The following GRID1 variants were observed in gnomAD, a reference collection of about 807,000 sequenced individuals.
GRID1 encodes the protein glutamate ionotropic receptor delta type subunit 1, also known as glutamate receptor ionotropic, delta-1.
A neutral mutation model predicts 98.0 loss-of-function variants in GRID1; 28 were observed. That is an observed-to-expected ratio of 0.29 (90% confidence interval 0.21 to 0.39). The LOEUF (loss-of-function observed/expected upper bound fraction) is 0.39, where lower values mean the gene tolerates loss of function less well. Among genes scored for constraint, GRID1 ranks in the 10% least tolerant of loss-of-function variants. GRID1 has a pLI of 1.00. For missense variants in GRID1, 1,111 were observed against 1,340.5 expected (o/e 0.83, Z 2.67); for synonymous variants, 553 against 538.5 (o/e 1.03, Z -0.37).
In GRID1 at chr10:85,717,902, C is replaced by T. The variant is rs760984287; in HGVS notation, c.1997+5101G>A. Among the ~76,000 whole-genome samples, 36 of 140,874 alleles carry T rather than the reference C, an allele frequency of 2.6e-4. 1 individual carries two copies. The highest frequency in any genetic ancestry group is 5.2e-4 in the Non-Finnish European group (34 of 65,130). 92.4% of individuals were successfully genotyped at this position (140,874 alleles called of 152,430 possible). A position where few individuals can be genotyped will look rare whatever the true frequency, so the allele number is the denominator to read the frequency against. ...AGGGGTTACAGGGCCCATGCAAGTC[C>T]GAAATCCAGTGGGCAGTCAGATTTT... On this transcript the variant is annotated intron_variant, in intron 12 of 15. Coordinates refer to ENST00000327946, the MANE Select transcript of GRID1 (RefSeq NM_017551.3).
chr10:85,878,559 C>G (rs1164027432), intron 5 of GRID1, among the ~76,000 whole-genome samples: 14 of 152,052 alleles, frequency 9.2e-5, no homozygotes, highest in African/African-American at 1.7e-4. Flanking sequence ...ACTTTACAGA[C>G]AAGCAAATGC....
chr10:85,906,631 A>G (rs1286288711), intron 5 of GRID1, among the ~76,000 whole-genome samples: 1 of 152,188 alleles, frequency 6.6e-6, no homozygotes, highest in Non-Finnish European at 1.5e-5. Flanking sequence ...GGAAACTAAA[A>G]ACATACTTCT....
At chr10:86,013,426 T>C (rs1489517351) in intron 4 of GRID1, among the ~76,000 whole-genome samples, 2 of 152,248 alleles carry the variant, frequency 1.3e-5, no homozygotes, top group African/African-American at 2.4e-5. Flanking sequence ...GTTATATAGA[T>C]TGACAGTGGA....
chr10:85,901,196 TTTTA>T (rs1476144081), intron 5 of GRID1, among the ~76,000 whole-genome samples: 2 of 151,810 alleles, frequency 1.3e-5, no homozygotes, highest in African/African-American at 4.8e-5. Flanking sequence ...AAGAGCTATC[TTTTA>T]TTTATTTATT....
chr10:86,260,444 C>G (rs1390463706), intron 2 of GRID1, among the ~76,000 whole-genome samples: 48 of 152,222 alleles, frequency 3.2e-4, no homozygotes, highest in Admixed American at 3.1e-3. Flanking sequence ...TCCCACCACC[C>G]CAACCATGTG....
chr10:86,151,091 G>A (rs1055829696), intron 3 of GRID1, among the ~76,000 whole-genome samples: 19 of 152,126 alleles, frequency 1.2e-4, no homozygotes, highest in Non-Finnish European at 1.3e-4. Context: ...CTCATGTCTT[G>A]CCCGAGTTTA....
chr10:86,109,141 T>C (rs1186335201), intron 4 of GRID1, among the ~76,000 whole-genome samples: 1 of 152,222 alleles, frequency 6.6e-6, no homozygotes, highest in Non-Finnish European at 1.5e-5. Context: ...TATTTCACAA[T>C]ATGTATCTGC....
At chr10:85,660,315 C>G (rs1268953332) in intron 12 of GRID1, among the ~76,000 whole-genome samples, 2 of 152,170 alleles carry the variant, frequency 1.3e-5, no homozygotes, top group African/African-American at 4.8e-5. Context: ...AGGGTTCAGG[C>G]AAGACACTCA....
chr10:86,349,554 T>C (rs1016245073), intron 2 of GRID1, among the ~76,000 whole-genome samples: 7 of 152,152 alleles, frequency 4.6e-5, no homozygotes, highest in Non-Finnish European at 7.4e-5. Flanking sequence ...AAATAGCCAT[T>C]ACCAGGGAGA....
chr10:85,939,414 T>C (rs1841969083), intron 4 of GRID1, among the ~76,000 whole-genome samples: 1 of 152,220 alleles, frequency 6.6e-6, no homozygotes, highest in South Asian at 2.1e-4. Flanking sequence ...AGTAGATGTC[T>C]CACTAAGCTA....
chr10:86,021,888 C>G lies in GRID1; in HGVS notation c.727-105649G>C, dbSNP rs976377076. ...TGTGTCTGCAAAGGGCTTACTAGCT[C>G]TTAGTCAGCTGAGGGTGAGCTGCAG... On this transcript the variant is annotated intron_variant, in intron 4 of 15. Transcript: ENST00000327946. 3.3e-5 allele frequency among the ~76,000 whole-genome samples: 5 copies of G among 152,206 alleles called. No individual in the cohort carries two copies. The South Asian group carries it at 1.0e-3, about 32-fold the overall frequency.
chr10:86,081,740 T>C (rs1018255931), intron 4 of GRID1, among the ~76,000 whole-genome samples: 5 of 152,172 alleles, frequency 3.3e-5, no homozygotes, highest in Non-Finnish European at 4.4e-5. Context: ...TAAATGCATA[T>C]TGCTAAGTGA....
At chr10:86,090,214 T>C (rs1436289258) in intron 4 of GRID1, among the ~76,000 whole-genome samples, 1 of 148,748 alleles carries the variant, frequency 6.7e-6, no homozygotes, top group Non-Finnish European at 1.5e-5. Flanking sequence ...GGCCAAGAGA[T>C]CAAGACCAGC....
Position 86,191,916 on chromosome 10 carries a change from G to A in GRID1, c.520+14448C>T, listed in dbSNP as rs562509719. Among the ~76,000 whole-genome samples the A allele has an allele frequency of 2.6e-5, 4 of 152,252 alleles. No homozygotes were observed. The East Asian group carries it at 5.8e-4, about 22-fold the overall frequency. On this transcript the variant is annotated intron_variant, in intron 3 of 15. Transcript: ENST00000327946. ...TGGCACCCCTGCTGATCCATCCTGC[G>A]TCGCTGGGACACAGAGGTCTTGAGG...
chr10:86,346,643 C>T (rs943883518), intron 2 of GRID1, among the ~76,000 whole-genome samples: 2 of 152,226 alleles, frequency 1.3e-5, no homozygotes, highest in African/African-American at 4.8e-5. Context: ...CAGGCCTTTG[C>T]TGATAAGGCA....
intron 11 of GRID1, among the ~76,000 whole-genome samples, 174 bp downstream of exon 11, chr10:85,724,178 T>C (rs1482365634): frequency 6.6e-6 from 1 of 152,216 alleles, no homozygotes; most frequent in Non-Finnish European, 1.5e-5. Context: ...TCATTTAATT[T>C]CTCTCTGATA....
chr10:86,005,420 T>C (rs1329969472), intron 4 of GRID1, among the ~76,000 whole-genome samples: 1 of 152,004 alleles, frequency 6.6e-6, no homozygotes, highest in Non-Finnish European at 1.5e-5. Context: ...AGAAAGATCA[T>C]GAGCAAGGGT....
At position 86,363,975 on chromosome 10, in the gene GRID1, G is replaced by A. The variant is rs778014454; in HGVS notation, c.201C>T (p.Ile67=). ...CAGCCTGGAATGGGTTGTTGGCCTC[G>A]ATGACCTTGATGGAGTAGGTGATCT... The part of the protein sequence containing the change: ...SEKITYSIKV[I]EANNPFQAVQ... The change falls in exon 2 of 16, where the codon ATC becomes ATT. Residue 67 remains isoleucine (I), a synonymous_variant. Transcript: ENST00000327946. 15 of 1,614,082 alleles carry A rather than the reference G, an allele frequency of 9.3e-6. No individual in the cohort carries two copies. The highest frequency in any genetic ancestry group is 2.2e-5 in the East Asian group (1 of 44,874).
intron 13 of GRID1, among the ~76,000 whole-genome samples, chr10:85,642,593 G>C (rs1843135373): frequency 6.6e-6 from 1 of 152,174 alleles, no homozygotes; most frequent in Non-Finnish European, 1.5e-5. Flanking sequence ...TATTTATTGA[G>C]ACTTACTGGG....
Sources: allele counts gnomAD v4.1 joint callset (sites outside exome capture counted in the v4.1 genomes callset), GRCh38; gene constraint gnomAD v4.1.1; transcripts MANE v1.5; gene names NCBI Gene and HGNC (gene_info 2026-07-23, HGNC 2026-07-21).